Variants in NRXN2 observed in about 807,000 individuals in gnomAD.
NRXN2 encodes neurexin-2-beta.
A neutral mutation model predicts 128.8 loss-of-function variants in NRXN2; 29 were observed. The observed-to-expected ratio is 0.23, with a 90% CI of 0.17 to 0.31. NRXN2 has a LOEUF of 0.31. Among genes scored for constraint, NRXN2 ranks in the 10% least tolerant of loss-of-function variants. NRXN2 has a pLI of 1.00. For synonymous variants in NRXN2, 1,098 were observed against 1,075.2 expected (o/e 1.02, Z -0.41); for missense variants, 1,881 against 2,452.6 (o/e 0.77, Z 4.92).
At chr11:64,698,439 C>G (rs2054849062) in intron 2 of NRXN2, among the ~76,000 whole-genome samples, 1 of 152,238 alleles carries the variant, frequency 6.6e-6, no homozygotes, top group Non-Finnish European at 1.5e-5. Context: ...CACTGTGTGA[C>G]TTTCATCCTA....
chr11:64,612,496 A>C (rs1388332941), intron 22 of NRXN2, among the ~76,000 whole-genome samples: 1 of 152,228 alleles, frequency 6.6e-6, no homozygotes, highest in African/African-American at 2.4e-5. Context: ...AGAAAAACTG[A>C]ATTTCAGTGC....
At chr11:64,708,094 G>C (rs538214241) in intron 2 of NRXN2, among the ~76,000 whole-genome samples, 1 of 145,828 alleles carries the variant, frequency 6.9e-6, no homozygotes, top group Admixed American at 6.8e-5. Flanking sequence ...GCGAAACTCC[G>C]TCTCAAAAAA....
In NRXN2 at chr11:64,713,762, G is replaced by T; in HGVS notation, c.-63C>A. 1.1e-6 allele frequency: 1 copy of T among 944,304 alleles called. No homozygotes were observed. Among genetic ancestry groups the T allele is most frequent in the Non-Finnish European group, 1.3e-6 (1 of 784,982 alleles). 58.5% of individuals were successfully genotyped at this position (944,304 alleles called of 1,614,324 possible). A position where few individuals can be genotyped will look rare whatever the true frequency, so the allele number is the denominator to read the frequency against. The stretch of plus-strand genomic sequence containing the variant: ...CCGCTCAGGCTTCAGAGCCGCGGGC[G>T]CATGGGGCGGGAGGGGGCCGGGCGC... On this transcript the variant is annotated 5_prime_UTR_variant, in exon 2 of 23. Coordinates refer to ENST00000265459, the MANE Select transcript of NRXN2 (RefSeq NM_015080.4).
chr11:64,712,751 CG>C (rs1565477834), intron 2 of NRXN2: 1 of 676,536 alleles, frequency 1.5e-6, no homozygotes. Flanking sequence ...ACGCTGACCA[CG>C]CCCAAGCCGG....
Position 64,620,331 on chromosome 11 carries a change from G to T in NRXN2, c.4215C>A (p.Ser1405Arg), listed in dbSNP as rs376642593. 6.4e-7 allele frequency: 1 copy of T among 1,554,460 alleles called. No individual in the cohort carries two copies. Among genetic ancestry groups the T allele is most frequent in the Non-Finnish European group, 8.7e-7 (1 of 1,148,476 alleles). The change falls in exon 22 of 23, where the codon AGC becomes AGA. Residue 1405 changes from serine to arginine, a missense_variant. Ser to Arg is a moderately radical substitution (Grantham distance 110, BLOSUM62 -1). Transcript: ENST00000265459. ...CACACTCCTCCAGGTCCTCATCATCGCTTGGACACTCAGCAGAGGCCACCA... is the reference window on the plus strand; with the variant it reads ...CACACTCCTCCAGGTCCTCATCATCTCTTGGACACTCAGCAGAGGCCACCA... ...DLLVASAECP[S>R]DDEDLEECEP... is the part of the protein sequence containing the mutation.
chr11:64,656,490 G>A (rs2048310766), intron 11 of NRXN2, among the ~76,000 whole-genome samples: 2 of 151,970 alleles, frequency 1.3e-5, no homozygotes, highest in Non-Finnish European at 2.9e-5. Flanking sequence ...CTTGGAGGTG[G>A]GAGGTAGAAG....
At chr11:64,625,174 C>A (rs1387102642) in intron 20 of NRXN2, among the ~76,000 whole-genome samples, 1 of 152,220 alleles carries the variant, frequency 6.6e-6, no homozygotes, top group Non-Finnish European at 1.5e-5. Flanking sequence ...ATTCCTCCCC[C>A]ACCCCCCAAC....
chr11:64,649,239 C>T (rs530800683), intron 15 of NRXN2, among the ~76,000 whole-genome samples: 5 of 152,244 alleles, frequency 3.3e-5, no homozygotes, highest in Non-Finnish European at 5.9e-5. Flanking sequence ...TTCATAGATG[C>T]GCAGCCCAAT....
chr11:64,630,274 A>G lies in NRXN2; in HGVS notation c.3757+128T>C. 1.2e-6 allele frequency: 1 copy of G among 846,758 alleles called. No individual in the cohort carries two copies. The highest frequency in any genetic ancestry group is 1.8e-5 in the South Asian group (1 of 55,356). The allele number at this position is 846,758 out of a possible 1,614,324, so 52.5% of individuals were successfully genotyped here. On this transcript the variant is annotated intron_variant, in intron 19 of 22. Transcript: ENST00000265459. The surrounding 1 kb of genome is among the most constrained non-coding windows in gnomAD (Gnocchi z 4.6). ...GCCTCGCAAGCTTCGTCTCTCCAGT[A>G]GCCCCGCCCCAGAGCCGCTTAGCCC...
intron 18 of NRXN2, among the ~76,000 whole-genome samples, chr11:64,633,583 G>A (rs1046480683): frequency 6.6e-6 from 1 of 152,124 alleles, no homozygotes; most frequent in Admixed American, 6.5e-5. Flanking sequence ...AGGACACAGG[G>A]AAACCCAGTC....
intron 22 of NRXN2, among the ~76,000 whole-genome samples, chr11:64,617,697 G>A (rs777703089): frequency 2.3e-4 from 35 of 152,186 alleles, no homozygotes; most frequent in Admixed American, 1.5e-3. Context: ...AGTCCTGGCC[G>A]TCTGCTGGAG....
intron 20 of NRXN2, among the ~76,000 whole-genome samples, chr11:64,625,612 T>A (rs896635177): frequency 6.6e-6 from 1 of 151,968 alleles, no homozygotes; most frequent in Non-Finnish European, 1.5e-5. Context: ...CAGTTCTACT[T>A]CCCCCCTAGA....
At chr11:64,638,638 G>C (rs762634325) in intron 17 of NRXN2, among the ~76,000 whole-genome samples, 18 of 152,232 alleles carry the variant, frequency 1.2e-4, no homozygotes, top group Non-Finnish European at 2.2e-4. Context: ...TGAAAGGCAA[G>C]AGGGGCCTAA....
intron 7 of NRXN2, among the ~76,000 whole-genome samples, chr11:64,674,016 C>G (rs1413703940): frequency 7.3e-6 from 1 of 136,814 alleles, no homozygotes. Flanking sequence ...CCAGCCTAGG[C>G]AACACAGCAA....
At chr11:64,696,991 G>A (rs1000513075) in intron 3 of NRXN2, among the ~76,000 whole-genome samples, 7 of 152,184 alleles carry the variant, frequency 4.6e-5, no homozygotes, top group African/African-American at 1.7e-4. Flanking sequence ...GGGAAGGAGA[G>A]ACACATGGTC....
chr11:64,648,180 G>C lies in NRXN2; in HGVS notation c.3403+39C>G, dbSNP rs1269701769. The C allele has an allele frequency of 2.5e-6, 4 of 1,613,684 alleles. No homozygotes were observed. In the East Asian group the frequency reaches 8.9e-5, roughly 36 times the overall value. ...GCCCCTATGGCTGGGAATGGACCCT[G>C]GTCTCCCCAAACTGCCCCCAGCCCT... On this transcript the variant is annotated intron_variant, in intron 17 of 22. Transcript: ENST00000265459. This position sits in a 1 kb window ranked among gnomAD's most constrained non-coding sequence, Gnocchi z 4.1.
chr11:64,628,944 A>C (rs2043466699), intron 19 of NRXN2, among the ~76,000 whole-genome samples: 1 of 152,126 alleles, frequency 6.6e-6, no homozygotes, highest in African/African-American at 2.4e-5. Flanking sequence ...GCAGTTGTCC[A>C]TATGTCTAAG....
rs554777413 is a variant in NRXN2, at chr11:64,635,548, G to A, written c.3404-96C>T. ...TGTGACCAGAGGGATGGAACCCCAGGTCTAGATGTGGGACTTCAGCTGTGA... is the reference window on the plus strand; with the variant it reads ...TGTGACCAGAGGGATGGAACCCCAGATCTAGATGTGGGACTTCAGCTGTGA... On this transcript the variant is annotated intron_variant, in intron 17 of 22. Coordinates refer to ENST00000265459, the MANE Select transcript of NRXN2 (RefSeq NM_015080.4). The surrounding 1 kb of genome is among the most constrained non-coding windows in gnomAD (Gnocchi z 4.8). 1 of 1,335,228 alleles carries A rather than the reference G, an allele frequency of 7.5e-7. No homozygotes were observed. The highest frequency in any genetic ancestry group is 1.2e-5 in the South Asian group (1 of 80,774). 82.7% of individuals were successfully genotyped at this position (1,335,228 alleles called of 1,614,324 possible). A position where few individuals can be genotyped will look rare whatever the true frequency, so the allele number is the denominator to read the frequency against.
chr11:64,701,136 C>A (rs995957092), intron 2 of NRXN2, among the ~76,000 whole-genome samples: 7 of 152,222 alleles, frequency 4.6e-5, no homozygotes, highest in African/African-American at 7.2e-5. Context: ...CCCTCTACCG[C>A]CACTCTTTTC....
Sources: allele counts gnomAD v4.1 joint callset (sites outside exome capture counted in the v4.1 genomes callset), GRCh38; gene constraint gnomAD v4.1.1; non-coding constraint Gnocchi (gnomAD v3.1); transcripts MANE v1.5; gene names NCBI Gene and HGNC (gene_info 2026-07-23, HGNC 2026-07-21).